Variants in RANBP10 observed in about 807,000 individuals in gnomAD.
RANBP10 encodes the protein ran-binding protein 10.
Under a neutral mutation model 72.8 loss-of-function variants are expected in RANBP10, and 24 were observed. The observed-to-expected ratio is 0.33, with a 90% CI of 0.24 to 0.46. The LOEUF (loss-of-function observed/expected upper bound fraction) is 0.46. Among genes scored for constraint, RANBP10 ranks in the 20% least tolerant of loss-of-function variants. The pLI, the probability that RANBP10 is intolerant of heterozygous loss-of-function variation, is 1.00. For missense variants in RANBP10, 679 were observed against 817.5 expected (o/e 0.83, Z 2.07); for synonymous variants, 310 against 322.3 (o/e 0.96, Z 0.41).
At chr16:67,786,006 AT>A (rs1447899169) in intron 2 of RANBP10, among the ~76,000 whole-genome samples, 13 of 151,582 alleles carry the variant, frequency 8.6e-5, no homozygotes, top group Admixed American at 6.6e-4. Context: ...CTCAAAAAAA[AT>A]AATAATAATT....
At chr16:67,733,502 C>G (rs1392541575) in intron 6 of RANBP10, among the ~76,000 whole-genome samples, 3 of 152,178 alleles carry the variant, frequency 2.0e-5, no homozygotes, top group African/African-American at 7.2e-5. Flanking sequence ...TGACCTTCCA[C>G]TAGAGGAAGC....
chr16:67,729,958 G>A lies in RANBP10; in HGVS notation c.978C>T (p.Pro326=). The change falls in exon 8 of 14, where the codon CCC becomes CCT. Residue 326 remains proline (P), a synonymous_variant. Coordinates refer to ENST00000317506, the MANE Select transcript of RANBP10 (RefSeq NM_020850.3). This position sits in a 1 kb window ranked among gnomAD's most constrained non-coding sequence, Gnocchi z 7.1. ...CTTACTTGAGCATGAAGAGGAGGTT[G>A]GGGTTGTGCTCCAGCAGCCCTGGGT... ...RFYPGLLEHN[P]NLLFMLKCRQ... 6.2e-7 allele frequency: 1 copy of A among 1,613,822 alleles called. No individual in the cohort carries two copies. The highest frequency in any genetic ancestry group is 8.5e-7 in the Non-Finnish European group (1 of 1,180,038).
At chr16:67,751,214 A>G (rs2054189127) in intron 3 of RANBP10, among the ~76,000 whole-genome samples, 1 of 152,240 alleles carries the variant, frequency 6.6e-6, no homozygotes, top group African/African-American at 2.4e-5. Flanking sequence ...TTTTTGTCTC[A>G]GTGTATGGGA....
At chr16:67,804,824 T>C (rs2055311405) in intron 2 of RANBP10, among the ~76,000 whole-genome samples, 3 of 152,118 alleles carry the variant, frequency 2.0e-5, no homozygotes, top group Non-Finnish European at 4.4e-5. Flanking sequence ...CCACCGTGCC[T>C]GGCTCCTAAT....
intron 3 of RANBP10, among the ~76,000 whole-genome samples, chr16:67,770,483 G>A (rs545007277): frequency 5.3e-5 from 8 of 152,098 alleles, no homozygotes; most frequent in Admixed American, 1.3e-4. Context: ...TAGAAAAGAC[G>A]TAAGGTCTGA....
intron 5 of RANBP10, among the ~76,000 whole-genome samples, chr16:67,737,368 C>CT (rs377346713): frequency 6.6e-6 from 1 of 151,540 alleles, no homozygotes; most frequent in Non-Finnish European, 1.5e-5. Context: ...GCCCGGCTAA[C>CT]TTTTTTTGTA....
chr16:67,779,084 T>G (rs1480790785), intron 2 of RANBP10, among the ~76,000 whole-genome samples: 1 of 151,608 alleles, frequency 6.6e-6, no homozygotes, highest in East Asian at 1.9e-4. Context: ...AGTGAGACAC[T>G]GTCTCAAAAT....
intron 6 of RANBP10, among the ~76,000 whole-genome samples, chr16:67,733,840 G>A (rs1459654846): frequency 6.6e-6 from 1 of 152,124 alleles, no homozygotes; most frequent in East Asian, 1.9e-4. Context: ...ACACATCCAT[G>A]TGCTGAGCCT....
chr16:67,757,198 C>T (rs1305573304), intron 3 of RANBP10, among the ~76,000 whole-genome samples: 1 of 152,184 alleles, frequency 6.6e-6, no homozygotes, highest in Non-Finnish European at 1.5e-5. Flanking sequence ...GGGAGATTCC[C>T]TTTCCTCACC....
chr16:67,728,830 G>A (rs541439794), intron 10 of RANBP10, among the ~76,000 whole-genome samples: 1 of 152,346 alleles, frequency 6.6e-6, no homozygotes, highest in Non-Finnish European at 1.5e-5. Flanking sequence ...TGGCCCCCAT[G>A]GGCAGCTCTG....
intron 2 of RANBP10, among the ~76,000 whole-genome samples, chr16:67,780,863 CTCAG>C (rs776144553): frequency 3.9e-5 from 6 of 152,256 alleles, no homozygotes; most frequent in Non-Finnish European, 7.3e-5. Flanking sequence ...AGCCAAAGTG[CTCAG>C]TCAGAGTTAG....
chr16:67,775,118 C>G (rs2054677386), intron 2 of RANBP10, among the ~76,000 whole-genome samples: 1 of 152,078 alleles, frequency 6.6e-6, no homozygotes, highest in Admixed American at 6.6e-5. Flanking sequence ...TCGAGACCAG[C>G]CTGGCCAACA....
rs547229661 is a variant in RANBP10, at chr16:67,760,691, G to C, written c.400+11343C>G. 2.4e-3 allele frequency among the ~76,000 whole-genome samples: 368 copies of C among 152,342 alleles called. 1 individual carries two copies. Among genetic ancestry groups the C allele is most frequent in the African/African-American group, 8.1e-3 (338 of 41,572 alleles). On this transcript the variant is annotated intron_variant, in intron 3 of 13. Transcript: ENST00000317506. The stretch of plus-strand genomic sequence containing the variant: ...TTTCCAACAGTTACAGTCAAGGAAA[G>C]TATGCTTCAACGGGCCTGATGCTGC...
At chr16:67,763,526 G>A (rs923343703) in intron 3 of RANBP10, 6 of 152,184 alleles carry the variant, frequency 3.9e-5, no homozygotes, top group East Asian at 1.9e-4. Context: ...TGCAATGAGC[G>A]GAGTGGCTTG....
At position 67,744,367 on chromosome 16, in the gene RANBP10, G is replaced by A. The variant is rs149609529; in HGVS notation, c.489C>T (p.Phe163=). 33 of 1,614,122 alleles carry A rather than the reference G, an allele frequency of 2.0e-5. No individual in the cohort carries two copies. Among genetic ancestry groups the A allele is most frequent in the Non-Finnish European group, 2.7e-5 (32 of 1,180,050 alleles). The change falls in exon 4 of 14, where the codon TTC becomes TTT. Residue 163 remains phenylalanine, a synonymous_variant. Transcript: ENST00000317506. ...SGTGQPYGPT[F]TTGDVIGCCV... ...AGCAGCCGATCACGTCTCCTGTGGT[G>A]AATGTGGGACCATAGGGCTGGCCAG...
intron 2 of RANBP10, among the ~76,000 whole-genome samples, chr16:67,793,467 A>G (rs950173380): frequency 6.6e-6 from 1 of 151,816 alleles, no homozygotes; most frequent in Admixed American, 6.6e-5. Flanking sequence ...ATACGCCACC[A>G]TGCCTGGCTA....
At chr16:67,755,535 T>C (rs2054270405) in intron 3 of RANBP10, among the ~76,000 whole-genome samples, 1 of 151,866 alleles carries the variant, frequency 6.6e-6, no homozygotes, top group Non-Finnish European at 1.5e-5. Flanking sequence ...CATACAAAAA[T>C]TAGCCGGGCA....
At chr16:67,787,172 A>G (rs1440675075) in intron 2 of RANBP10, among the ~76,000 whole-genome samples, 5 of 152,016 alleles carry the variant, frequency 3.3e-5, no homozygotes, top group Non-Finnish European at 5.9e-5. Flanking sequence ...CCGGGAGGCA[A>G]AAGTTCCAAT....
intron 10 of RANBP10, among the ~76,000 whole-genome samples, chr16:67,728,787 C>G (rs2053662276): frequency 6.6e-6 from 1 of 152,238 alleles, no homozygotes; most frequent in Non-Finnish European, 1.5e-5. Flanking sequence ...CACACCTCTT[C>G]TACATATCCC....
Sources: gnomAD v4.1 joint callset for allele counts (sites outside exome capture counted in the v4.1 genomes callset) on GRCh38, gnomAD v4.1.1 for gene constraint, Gnocchi (gnomAD v3.1) non-coding constraint, MANE v1.5 for transcripts, NCBI Gene and HGNC (gene_info 2026-07-23, HGNC 2026-07-21) for gene names.